FCAMR: variants seen among roughly 807,000 people sequenced by gnomAD.
FCAMR encodes high affinity immunoglobulin alpha and immunoglobulin mu Fc receptor.
A neutral mutation model predicts 52.2 loss-of-function variants in FCAMR; 51 were observed. The ratio of observed to expected loss-of-function variants is 0.98; its 90% confidence interval spans 0.78 to 1.23. The LOEUF (loss-of-function observed/expected upper bound fraction) is 1.23. Ranked by LOEUF, FCAMR falls within the 50% of genes most tolerant of loss-of-function variation. The pLI is 0.00. For missense variants in FCAMR, 719 were observed against 712.6 expected (o/e 1.01, Z -0.10); for synonymous variants, 282 against 262.0 (o/e 1.08, Z -0.74).
At chr1:206,959,331 G>A (rs1680396886) in intron 7 of FCAMR, among the ~76,000 whole-genome samples, 1 of 152,098 alleles carries the variant, frequency 6.6e-6, no homozygotes, top group African/African-American at 2.4e-5. Flanking sequence ...ACAAAAATTA[G>A]CCAGGCATGA....
chr1:206,960,810 T>G lies in FCAMR; in HGVS notation c.1066A>C (p.Arg356=). 1 of 1,552,452 alleles carries G rather than the reference T, an allele frequency of 6.4e-7. No individual in the cohort carries two copies. The highest frequency in any genetic ancestry group is 8.7e-7 in the Non-Finnish European group (1 of 1,147,164). ...EMTTTKADRP[R]EDIEGVRIAL... ...ATCCTGACCCCCTCTATGTCCTCCCTTGGCCTATCAGCCTTGGTAGTTGTC... is the reference window on the plus strand; with the variant it reads ...ATCCTGACCCCCTCTATGTCCTCCCGTGGCCTATCAGCCTTGGTAGTTGTC... The change falls in exon 6 of 8, where the codon AGG becomes CGG. Residue 356 remains arginine (R), a synonymous_variant. Coordinates refer to ENST00000324852, the MANE Select transcript of FCAMR (RefSeq NM_001170631.2).
Position 206,959,806 on chromosome 1 carries a change from G to A in FCAMR, c.1455-9C>T, listed in dbSNP as rs1200374025. The A allele has an allele frequency of 5.0e-6, 8 of 1,603,458 alleles. No homozygotes were observed. Among genetic ancestry groups the A allele is most frequent in the Admixed American group, 1.7e-5 (1 of 60,008 alleles). On this transcript the variant is annotated splice_polypyrimidine_tract_variant and intron_variant, in intron 6 of 7. Coordinates refer to ENST00000324852, the MANE Select transcript of FCAMR (RefSeq NM_001170631.2). The stretch of plus-strand genomic sequence containing the variant: ...CATCTTCTGGAAAAGTACTACAGTG[G>A]GGGTGGAAAGAGCACAGGGGAGAGG...
chr1:206,969,261 C>A, intron 1 of FCAMR: 1 of 456,232 alleles, frequency 2.2e-6, no homozygotes, highest in South Asian at 1.6e-5. Flanking sequence ...GTGCAGCAAT[C>A]TCTGGGCTTC....
chr1:206,962,164 T>C (rs1313528504), intron 5 of FCAMR, 49 bp downstream of exon 5: 1 of 1,571,546 alleles, frequency 6.4e-7, no homozygotes, highest in African/African-American at 1.3e-5. Context: ...ACTTTCTCCT[T>C]CCTAGAACGT....
At chr1:206,965,250 G>T (rs150420374) in intron 4 of FCAMR, among the ~76,000 whole-genome samples, 583 of 152,244 alleles carry the variant, frequency 3.8e-3, no homozygotes, top group Middle Eastern at 6.8e-3. Flanking sequence ...AGAGGAGCAG[G>T]GTTCCACTAA....
At chr1:206,966,536 C>A (rs1393358937) in intron 3 of FCAMR, among the ~76,000 whole-genome samples, 1 of 152,178 alleles carries the variant, frequency 6.6e-6, no homozygotes, top group African/African-American at 2.4e-5. Flanking sequence ...CAGGTGCGTG[C>A]CACCAGGCCC....
intron 1 of FCAMR, 122 bp from the exon 2 acceptor site, chr1:206,967,773 G>T: frequency 1.2e-6 from 1 of 839,026 alleles, no homozygotes; most frequent in Non-Finnish European, 1.9e-6. Context: ...CTGCACTAGG[G>T]TGCTATTCTG....
Position 206,962,249 on chromosome 1 carries a change from T to A in FCAMR, c.616A>T (p.Met206Leu), listed in dbSNP as rs774787300. The A allele has an allele frequency of 5.6e-6, 9 of 1,614,176 alleles. No individual in the cohort carries two copies. In the Admixed American group the frequency reaches 1.0e-4, roughly 18 times the overall value. Residue 206 changes from methionine to leucine, a missense_variant, in exon 5 of 8, where the codon ATG becomes TTG. Physicochemically the swap from Met to Leu is conservative, Grantham distance 15. Coordinates refer to ENST00000324852, the MANE Select transcript of FCAMR (RefSeq NM_001170631.2). ...GTCAGATTCATGCTTAAGAACAGCA[T>A]GTTGTTTTCACTTCCAATGCCGCAG... Reference protein sequence around the residue: ...YLCGIGSENNMLFLSMNLTIS... With the variant: ...YLCGIGSENNLLFLSMNLTIS...
In FCAMR at chr1:206,964,187, C is replaced by T. The variant is rs375334605; in HGVS notation, c.313+1528G>A. Among the ~76,000 whole-genome samples the T allele has an allele frequency of 1.8e-4, 27 of 152,290 alleles. No individual in the cohort carries two copies. In the South Asian group the frequency reaches 3.5e-3, roughly 20 times the overall value. ...AAGCCCTCACAGTGAGCTCTGCAGC[C>T]GCTGATGATTCTCTCCCTCCTTCAT... On this transcript the variant is annotated intron_variant, in intron 4 of 7. Transcript: ENST00000324852.
rs547476604 is a variant in FCAMR, at chr1:206,966,381, TTTTTTGTTTTTG to T, written c.170-535_170-524del. ...AGTGCTTACTCAAATATTGGCTACA[TTTTTTGTTTTTG>T]TTTTTGTTTTGAGATGGAGTCTCGC... On this transcript the variant is annotated intron_variant, in intron 3 of 7. Coordinates refer to ENST00000324852, the MANE Select transcript of FCAMR (RefSeq NM_001170631.2). 3.9e-5 allele frequency among the ~76,000 whole-genome samples: 6 copies of T among 152,222 alleles called. No individual in the cohort carries two copies. In the South Asian group the frequency reaches 1.2e-3, roughly 32 times the overall value.
chr1:206,969,307 G>A lies in FCAMR; in HGVS notation c.39+780C>T, dbSNP rs530733706. On this transcript the variant is annotated intron_variant, in intron 1 of 7. Coordinates refer to ENST00000324852, the MANE Select transcript of FCAMR (RefSeq NM_001170631.2). ...GCCGGCTCCGTGGGGCAATGAGGAA[G>A]CAGGAGTATGAGATAAAATGTTTCC... The A allele has an allele frequency of 5.5e-5, 25 of 456,466 alleles. 1 individual carries two copies. Among genetic ancestry groups the A allele is most frequent in the South Asian group, 3.9e-4 (25 of 64,514 alleles). 28.3% of individuals were successfully genotyped at this position (456,466 alleles called of 1,614,324 possible). A position where few individuals can be genotyped will look rare whatever the true frequency, so the allele number is the denominator to read the frequency against.
chr1:206,959,797 A>C lies in FCAMR; in HGVS notation c.1455T>G (p.Arg485=). The part of the protein sequence containing the change: ...GPPGKESSVK[R]TFPEDESSSR... Reference sequence around the variant, plus strand: ...AGCTGCTTTCATCTTCTGGAAAAGTACTACAGTGGGGGTGGAAAGAGCACA... The same window carrying C: ...AGCTGCTTTCATCTTCTGGAAAAGTCCTACAGTGGGGGTGGAAAGAGCACA... Residue 485 remains arginine, a splice_region_variant and synonymous_variant, in exon 7 of 8, where the codon CGT becomes CGG. Transcript: ENST00000324852. 1 of 1,612,120 alleles carries C rather than the reference A, an allele frequency of 6.2e-7. No individual in the cohort carries two copies. The highest frequency in any genetic ancestry group is 8.5e-7 in the Non-Finnish European group (1 of 1,178,164).
intron 7 of FCAMR, 111 bp from the exon 8 acceptor site, chr1:206,958,787 G>T (rs781293188): frequency 1.4e-6 from 2 of 1,425,010 alleles, no homozygotes; most frequent in Non-Finnish European, 2.0e-6. Flanking sequence ...TTCTGACACA[G>T]AAGCAATGGA....
chr1:206,962,374 T>G lies in FCAMR; in HGVS notation c.491A>C (p.His164Pro). Residue 164 changes from histidine to proline, a missense_variant, in exon 5 of 8, where the codon CAT (histidine) becomes CCT (proline). By Grantham distance (77) the His-to-Pro change is moderately conservative. Coordinates refer to ENST00000324852, the MANE Select transcript of FCAMR (RefSeq NM_001170631.2). Reference protein sequence around the residue: ...TIVSTNQYTHHRYRDRVALTD... With the variant: ...TIVSTNQYTHPRYRDRVALTD... ...GAGGGCCACACGGTCACGATAGCGA[T>G]GGTGAGTATACTGGTTGGTGGACAC... The G allele has an allele frequency of 6.2e-7, 1 of 1,614,170 alleles. No homozygotes were observed. The highest frequency in any genetic ancestry group is 8.5e-7 in the Non-Finnish European group (1 of 1,180,024).
chr1:206,958,813 G>A, intron 7 of FCAMR, 137 bp from the exon 8 acceptor site: 1 of 1,152,054 alleles, frequency 8.7e-7, no homozygotes, highest in South Asian at 1.3e-5. Context: ...AGTTGGCTAG[G>A]CTAAGCCAGC....
At chr1:206,961,753 G>A (rs142017512) in intron 5 of FCAMR, among the ~76,000 whole-genome samples, 65 of 152,342 alleles carry the variant, frequency 4.3e-4, no homozygotes, top group South Asian at 2.1e-3. Flanking sequence ...TGCTGCAGAG[G>A]GCCTAGGCCT....
chr1:206,969,958 TG>T, intron 1 of FCAMR, 128 bp downstream of exon 1: 1 of 1,085,992 alleles, frequency 9.2e-7, no homozygotes, highest in Non-Finnish European at 1.4e-6. Flanking sequence ...AACCCTTACC[TG>T]GCCTCCTGGG....
At chr1:206,969,225 AC>A (rs1442553896) in intron 1 of FCAMR, 7 of 450,488 alleles carry the variant, frequency 1.6e-5, no homozygotes, top group Non-Finnish European at 3.1e-5. Context: ...TCTGCATCAT[AC>A]CATCCAGTTC....
At chr1:206,964,014 G>C (rs1039365318) in intron 4 of FCAMR, among the ~76,000 whole-genome samples, 3 of 152,184 alleles carry the variant, frequency 2.0e-5, no homozygotes, top group African/African-American at 7.2e-5. Flanking sequence ...GTGTCCTGCA[G>C]TCAGAAGAAC....
Sources: gnomAD v4.1 joint callset for allele counts (sites outside exome capture counted in the v4.1 genomes callset) on GRCh38, gnomAD v4.1.1 for gene constraint, MANE v1.5 for transcripts, NCBI Gene and HGNC (gene_info 2026-07-23, HGNC 2026-07-21) for gene names.